Variants in MYH6 observed in about 807,000 individuals in gnomAD.
MYH6 encodes the protein myosin heavy chain 6.
A neutral mutation model predicts 223.2 loss-of-function variants in MYH6; 126 were observed. The ratio of observed to expected loss-of-function variants is 0.56; its 90% confidence interval spans 0.49 to 0.65. MYH6 has a LOEUF of 0.65. Ranked by LOEUF, MYH6 falls within the 30% of genes least tolerant of loss-of-function variation. The pLI is 0.00. For missense variants in MYH6, 2,040 were observed against 2,536.4 expected, an observed-to-expected ratio of 0.80 and a Z score of 4.20; for synonymous variants, 978 against 1,010.2, an observed-to-expected ratio of 0.97 and a Z score of 0.61.
At chr14:23,401,998 G>A (rs1891616601) in intron 12 of MYH6, among the ~76,000 whole-genome samples, 1 of 152,188 alleles carries the variant, frequency 6.6e-6, no homozygotes, top group African/African-American at 2.4e-5. Flanking sequence ...TTTTCTCAAA[G>A]GACCTCACAG....
intron 24 of MYH6, 118 bp downstream of exon 24, chr14:23,392,794 T>C: frequency 6.6e-7 from 1 of 1,508,072 alleles, no homozygotes; most frequent in Non-Finnish European, 9.2e-7. Context: ...AGGGCTGTGA[T>C]TGACCTTATT....
intron 29 of MYH6, 155 bp downstream of exon 29, chr14:23,388,704 A>G: frequency 1.6e-6 from 2 of 1,238,252 alleles, no homozygotes; most frequent in Non-Finnish European, 2.4e-6. Flanking sequence ...TTCACAGAGC[A>G]AAGAGTTCAG....
Position 23,390,043 on chromosome 14 carries a change from C to A in MYH6, c.3732+14G>T, listed in dbSNP as rs775365935. ...TGCAGGGGAGAGGGCGAGGGGAGGC[C>A]GAGCAGAGCCTGCCTTGGCCTTGAT... On this transcript the variant is annotated intron_variant, in intron 26 of 38. Coordinates refer to ENST00000405093, the MANE Select transcript of MYH6 (RefSeq NM_002471.4). 1 of 1,613,382 alleles carries A rather than the reference C, an allele frequency of 6.2e-7. No homozygotes were observed.
At chr14:23,401,034 G>A in intron 12 of MYH6, 57 bp from the exon 13 acceptor site, 3 of 1,578,050 alleles carry the variant, frequency 1.9e-6, no homozygotes, top group Non-Finnish European at 2.6e-6. Flanking sequence ...TAAGATAGAG[G>A]CTTGCTCTGT....
rs1017858638 is a variant in MYH6 at position 23,400,578 on chromosome 14, T to C, written c.1410+131A>G. The C allele has an allele frequency of 2.5e-6, 4 of 1,582,350 alleles. No homozygotes were observed. The African/African-American group carries it at 5.4e-5, about 21-fold the overall frequency. On this transcript the variant is annotated intron_variant, in intron 13 of 38. Coordinates refer to ENST00000405093, the MANE Select transcript of MYH6 (RefSeq NM_002471.4). ...GGGCTTCCCCTGAAGACAGGGACAA[T>C]GACTGCCTCTGTCACCACACAGTCC...
intron 19 of MYH6, 24 bp from the exon 20 acceptor site, chr14:23,396,444 C>T (rs748120842): frequency 1.9e-6 from 3 of 1,612,562 alleles, no homozygotes; most frequent in East Asian, 2.2e-5. Context: ...GTAGATGCAA[C>T]AGGCCGCAGC....
chr14:23,405,819 G>A lies in MYH6; in HGVS notation c.202-49C>T, dbSNP rs1282067831. 1.9e-6 allele frequency: 3 copies of A among 1,613,288 alleles called. No individual in the cohort carries two copies. Among genetic ancestry groups the A allele is most frequent in the South Asian group, 1.1e-5 (1 of 91,064 alleles). On this transcript the variant is annotated intron_variant, in intron 3 of 38. Transcript: ENST00000405093. This position sits in a 1 kb window ranked among gnomAD's most constrained non-coding sequence, Gnocchi z 4.7. ...GGATGAGTGACCACAATCCCTCCGG[G>A]ACCCTTGCCAGCACTGCCCACTGAC...
At position 23,396,345 on chromosome 14, in the gene MYH6, T is replaced by C. The variant is rs764284030; in HGVS notation, c.2368A>G (p.Met790Val). 2 of 1,614,162 alleles carry C rather than the reference T, an allele frequency of 1.2e-6. No homozygotes were observed. The highest frequency in any genetic ancestry group is 1.7e-6 in the Non-Finnish European group (2 of 1,180,044). The part of the protein sequence containing the change: ...DERLSRIITR[M>V]QAQARGQLMR... ...AGCTGGCCCCGGGCTTGGGCCTGCA[T>C]GCGCGTGATGATGCGGCTCAGCCTC... The change falls in exon 20 of 39, where the codon ATG (methionine) becomes GTG (valine). Residue 790 changes from methionine to valine, a missense_variant. Met to Val is a conservative substitution (Grantham distance 21). Coordinates refer to ENST00000405093, the MANE Select transcript of MYH6 (RefSeq NM_002471.4).
chr14:23,397,321 T>G lies in MYH6; in HGVS notation c.1963-64A>C, dbSNP rs551198609. On this transcript the variant is annotated intron_variant, in intron 16 of 38. Coordinates refer to ENST00000405093, the MANE Select transcript of MYH6 (RefSeq NM_002471.4). Reference sequence around the variant, plus strand: ...GACCATCCCTTAGGCCCTTAAACCCTGGTCCCCAGACACTCTCCACCAGAA... The same window carrying G: ...GACCATCCCTTAGGCCCTTAAACCCGGGTCCCCAGACACTCTCCACCAGAA... 63 of 1,491,750 alleles carry G rather than the reference T, an allele frequency of 4.2e-5. No individual in the cohort carries two copies. In the East Asian group the frequency reaches 1.4e-3, roughly 33 times the overall value. The allele number at this position is 1,491,750 out of a possible 1,614,324, so 92.4% of individuals were successfully genotyped here.
intron 15 of MYH6, among the ~76,000 whole-genome samples, chr14:23,397,949 C>CTTCTTCTTCTTCTTCTCT (rs1566512403): frequency 1.3e-5 from 1 of 78,908 alleles, no homozygotes; most frequent in Non-Finnish European, 2.5e-5. Context: ...TCTTCTTCTT[C>CTTCTTCTTCTTCTTCTCT]TTCTTCTTCT....
rs1475952631 is a variant in MYH6, at chr14:23,392,665, G to A, written c.3252-13C>T. On this transcript the variant is annotated splice_polypyrimidine_tract_variant and intron_variant, in intron 24 of 38. Coordinates refer to ENST00000405093, the MANE Select transcript of MYH6 (RefSeq NM_002471.4). ...GTCAAACTCCTTCCTGCAGGAGAAGGGTGGGGGTGGGGGAGTGACAGGTAG... is the reference window on the plus strand; with the variant it reads ...GTCAAACTCCTTCCTGCAGGAGAAGAGTGGGGGTGGGGGAGTGACAGGTAG... 1.6e-6 allele frequency: 2 copies of A among 1,286,464 alleles called. No individual in the cohort carries two copies. Among genetic ancestry groups the A allele is most frequent in the East Asian group, 2.3e-5 (1 of 43,990 alleles). The allele number at this position is 1,286,464 out of a possible 1,614,324, so 79.7% of individuals were successfully genotyped here.
At chr14:23,392,867 G>A in intron 24 of MYH6, 45 bp downstream of exon 24, 1 of 1,610,220 alleles carries the variant, frequency 6.2e-7, no homozygotes, top group Non-Finnish European at 8.5e-7. Context: ...TATCTACCAG[G>A]CCAGACACCT....
chr14:23,406,471 A>T (rs1891791611), intron 3 of MYH6, among the ~76,000 whole-genome samples: 3 of 152,188 alleles, frequency 2.0e-5, no homozygotes, highest in Non-Finnish European at 4.4e-5. Context: ...TCAGTCAACG[A>T]GTTCATGAGG....
chr14:23,388,506 GC>G, intron 29 of MYH6, 168 bp from the exon 30 acceptor site: 1 of 1,154,626 alleles, frequency 8.7e-7, no homozygotes, highest in South Asian at 1.2e-5. Context: ...AGCACGGGCT[GC>G]CCAGGCGTCC....
intron 25 of MYH6, among the ~76,000 whole-genome samples, chr14:23,390,763 C>G (rs536870217): frequency 6.6e-6 from 1 of 152,180 alleles, no homozygotes; most frequent in African/African-American, 2.4e-5. Context: ...ATCCTGAGAA[C>G]CTGTGGTTGA....
intron 26 of MYH6, 39 bp downstream of exon 26, chr14:23,390,018 T>C: frequency 6.2e-7 from 1 of 1,613,304 alleles, no homozygotes; most frequent in Non-Finnish European, 8.5e-7. Context: ...GGCTCCGCTG[T>C]GCAGGGGAGA....
Position 23,398,695 on chromosome 14 carries a change from T to A in MYH6, c.1891+33A>T, listed in dbSNP as rs540816099. On this transcript the variant is annotated intron_variant, in intron 15 of 38. Coordinates refer to ENST00000405093, the MANE Select transcript of MYH6 (RefSeq NM_002471.4). ...CCCTGGCCCTTTGTGTCTTCAGAAGTCCCCTGGCCCAGTGCAGGGGCTGCC... is the reference window on the plus strand; with the variant it reads ...CCCTGGCCCTTTGTGTCTTCAGAAGACCCCTGGCCCAGTGCAGGGGCTGCC... 9.7e-5 allele frequency: 156 copies of A among 1,609,886 alleles called. 2 individuals carry two copies. The South Asian group carries it at 1.7e-3, about 17-fold the overall frequency.
In MYH6 at chr14:23,394,130, G is replaced by A. The variant is rs1891323810; in HGVS notation, c.2623C>T (p.Leu875=). Residue 875 remains leucine (L), a synonymous_variant, in exon 21 of 39, where the codon CTG becomes TTG. Transcript: ENST00000405093. ...AGCAGGGACACCATCTTCTCCTCCA[G>A]CTCCTTGCGGCGAGCCTCGGACTTC... ...LEKSEARRKE[L]EEKMVSLLQE... 2 of 1,614,200 alleles carry A rather than the reference G, an allele frequency of 1.2e-6. No individual in the cohort carries two copies. The highest frequency in any genetic ancestry group is 1.3e-5 in the African/African-American group (1 of 75,052).
At position 23,386,175 on chromosome 14, in the gene MYH6, G is replaced by A. The variant is rs370931302; in HGVS notation, c.4960-44C>T. 7.4e-5 allele frequency: 120 copies of A among 1,613,578 alleles called. No individual in the cohort carries two copies. The South Asian group carries it at 1.3e-3, about 17-fold the overall frequency. On this transcript the variant is annotated intron_variant, in intron 33 of 38. Coordinates refer to ENST00000405093, the MANE Select transcript of MYH6 (RefSeq NM_002471.4). ...GGTGTGAGCAGAAGCCAGCCTCGGT[G>A]CCCTTCACTGAGGGCACCTGTCAGA...
Sources: allele counts gnomAD v4.1 joint callset (sites outside exome capture counted in the v4.1 genomes callset), GRCh38; gene constraint gnomAD v4.1.1; non-coding constraint Gnocchi (gnomAD v3.1); transcripts MANE v1.5; gene names NCBI Gene and HGNC (gene_info 2026-07-23, HGNC 2026-07-21).